Variants in CDH4 observed in about 807,000 individuals in gnomAD.
CDH4 encodes cadherin 4, also known as cadherin-4.
CDH4 carries 33 observed loss-of-function variants against 86.0 expected under a neutral mutation model. The observed-to-expected ratio is 0.38, with a 90% CI of 0.29 to 0.51. The LOEUF (loss-of-function observed/expected upper bound fraction) is 0.51, where lower values mean the gene tolerates loss of function less well. Ranked by LOEUF, CDH4 falls within the 20% of genes least tolerant of loss-of-function variation. CDH4 has a pLI of 0.86. For synonymous variants in CDH4, 555 were observed against 549.4 expected (o/e 1.01, Z -0.14); for missense variants, 1,114 against 1,307.4 (o/e 0.85, Z 2.28).
chr20:61,553,044 T>C (rs1273140975), intron 2 of CDH4, among the ~76,000 whole-genome samples: 1 of 152,188 alleles, frequency 6.6e-6, no homozygotes, highest in Non-Finnish European at 1.5e-5. Context: ...AACTCAAATG[T>C]CCATCACCTG....
At chr20:61,539,784 A>G (rs1843415160) in intron 2 of CDH4, among the ~76,000 whole-genome samples, 1 of 152,224 alleles carries the variant, frequency 6.6e-6, no homozygotes, top group Non-Finnish European at 1.5e-5. Flanking sequence ...GAGCAGGGAC[A>G]CGCCAGCTCT....
In CDH4 at chr20:61,556,729, C is replaced by T. The variant is rs965951864; in HGVS notation, c.170-186834C>T. On this transcript the variant is annotated intron_variant, in intron 2 of 15. Coordinates refer to ENST00000614565, the MANE Select transcript of CDH4 (RefSeq NM_001794.5). ...CTTCTCCAGTGCCCCCAGTGGAGGT[C>T]CCCCAGTCTTGGTGCCCCCCACCTT... is the stretch of plus-strand genomic sequence containing the variant. 3.6e-4 allele frequency among the ~76,000 whole-genome samples: 54 copies of T among 152,072 alleles called. 3 individuals are homozygous for T.
intron 4 of CDH4, among the ~76,000 whole-genome samples, chr20:61,796,607 CT>C (rs1365581417): frequency 6.6e-6 from 1 of 152,168 alleles, no homozygotes; most frequent in Non-Finnish European, 1.5e-5. Flanking sequence ...GATTATTTCT[CT>C]GCTTGGCCAC....
chr20:61,504,863 G>A (rs1047663871), intron 2 of CDH4, among the ~76,000 whole-genome samples: 24 of 152,268 alleles, frequency 1.6e-4, no homozygotes, highest in Admixed American at 1.2e-3. Context: ...CCGTACACGC[G>A]TCCTCATCAC....
At chr20:61,329,489 C>A (rs1243163932) in intron 2 of CDH4, among the ~76,000 whole-genome samples, 7 of 137,166 alleles carry the variant, frequency 5.1e-5, no homozygotes, top group African/African-American at 1.3e-4. Flanking sequence ...AGTGGCTCTT[C>A]TGCCCTTGGC....
chr20:61,415,464 T>C (rs1029171403), intron 2 of CDH4, among the ~76,000 whole-genome samples: 4 of 152,196 alleles, frequency 2.6e-5, no homozygotes, highest in Admixed American at 6.5e-5. Context: ...CCATGGCCAC[T>C]GTCCATCTCC....
intron 2 of CDH4, among the ~76,000 whole-genome samples, chr20:61,484,133 G>C (rs1204523607): frequency 6.6e-6 from 1 of 151,968 alleles, no homozygotes; most frequent in African/African-American, 2.4e-5. Context: ...ACTCACCCCT[G>C]GGAAGCAGCA....
At position 61,393,457 on chromosome 20, in the gene CDH4, C is replaced by T. The variant is rs576929325; in HGVS notation, c.169+138520C>T. 1.1e-3 allele frequency among the ~76,000 whole-genome samples: 172 copies of T among 152,284 alleles called. No homozygotes were observed. The highest frequency in any genetic ancestry group is 1.9e-3 in the Non-Finnish European group (127 of 68,016). On this transcript the variant is annotated intron_variant, in intron 2 of 15. Coordinates refer to ENST00000614565, the MANE Select transcript of CDH4 (RefSeq NM_001794.5). This position sits in a 1 kb window ranked among gnomAD's most constrained non-coding sequence, Gnocchi z 4.3. Reference sequence around the variant, plus strand: ...CAAAATTAAACCTGGATGCTTTGATCGCTGGCAGTAAGCGACACGCTGAAC... The same window carrying T: ...CAAAATTAAACCTGGATGCTTTGATTGCTGGCAGTAAGCGACACGCTGAAC...
intron 2 of CDH4, among the ~76,000 whole-genome samples, chr20:61,355,505 A>C (rs1287634772): frequency 6.6e-6 from 1 of 152,256 alleles, no homozygotes; most frequent in Non-Finnish European, 1.5e-5. Context: ...CACGTGCCTC[A>C]TAAATGAAAA....
chr20:61,682,348 A>G (rs1277974877), intron 2 of CDH4, among the ~76,000 whole-genome samples: 8 of 146,340 alleles, frequency 5.5e-5, no homozygotes, highest in African/African-American at 2.1e-4. Flanking sequence ...AGGGAGAGAT[A>G]GATGAATGGA....
rs6121656 is a variant in CDH4, at chr20:61,507,670, C to T, written c.170-235893C>T. Among the ~76,000 whole-genome samples the T allele has an allele frequency of 5.8e-3, 879 of 152,234 alleles. 7 individuals carry two copies. Among genetic ancestry groups the T allele is most frequent in the African/African-American group, 0.02 (842 of 41,528 alleles). On this transcript the variant is annotated intron_variant, in intron 2 of 15. Transcript: ENST00000614565. ...CAAAAATGAGGAAAATCTGAGCAAC[C>T]GTCACAGCCAAGAGGTGTTTAAGGA...
intron 2 of CDH4, chr20:61,599,647 C>A: frequency 5.2e-6 from 1 of 194,156 alleles, no homozygotes; most frequent in Non-Finnish European, 9.4e-6. Context: ...AGACAATAGC[C>A]CTGTCCCAGT....
chr20:61,583,168 T>A (rs1600780469), intron 2 of CDH4, among the ~76,000 whole-genome samples: 1 of 54,440 alleles, frequency 1.8e-5, no homozygotes, highest in Non-Finnish European at 3.7e-5. Flanking sequence ...CAGAGGGCTC[T>A]GCGGGGGGGA....
chr20:61,428,282 T>G lies in CDH4; in HGVS notation c.169+173345T>G, dbSNP rs557958879. 9.2e-5 allele frequency among the ~76,000 whole-genome samples: 14 copies of G among 152,340 alleles called. 1 individual carries two copies. In the East Asian group the frequency reaches 2.1e-3, roughly 23 times the overall value. On this transcript the variant is annotated intron_variant, in intron 2 of 15. Transcript: ENST00000614565. ...GGTGGTGTGGGAACTAGTCTGTCTT[T>G]TGGGAGAATCATTGCTTCTAAAGCT...
chr20:61,447,323 A>ATTTTTTTTTTTTTTTTT (rs71331923), intron 2 of CDH4, among the ~76,000 whole-genome samples: 3 of 110,858 alleles, frequency 2.7e-5, no homozygotes, highest in Non-Finnish European at 5.4e-5. Flanking sequence ...CGCCCAGCTG[A>ATTTTTTTTTTTTTTTTT]TTTTTTTTTT....
chr20:61,268,193 G>T, intron 2 of CDH4, among the ~76,000 whole-genome samples: 1 of 152,390 alleles, frequency 6.6e-6, no homozygotes, highest in Middle Eastern at 3.4e-3. Context: ...GGCCCAGGGG[G>T]TGGCATGTAG....
chr20:61,485,546 G>A (rs1030044316), intron 2 of CDH4, among the ~76,000 whole-genome samples: 6 of 152,232 alleles, frequency 3.9e-5, no homozygotes, highest in East Asian at 3.9e-4. Flanking sequence ...AGAGCTCCAC[G>A]GTGCTCTGCC....
chr20:61,728,093 C>T (rs993549726), intron 2 of CDH4, among the ~76,000 whole-genome samples: 3 of 152,188 alleles, frequency 2.0e-5, no homozygotes, highest in Non-Finnish European at 4.4e-5. Flanking sequence ...CTGAGCAGGC[C>T]ACCTACCCTA....
intron 2 of CDH4, among the ~76,000 whole-genome samples, chr20:61,702,417 A>G (rs2087786578): frequency 1.3e-5 from 2 of 152,208 alleles, no homozygotes; most frequent in Non-Finnish European, 2.9e-5. Context: ...CGCTCCACAC[A>G]AAACATTGCT....
Sources: allele counts gnomAD v4.1 joint callset (sites outside exome capture counted in the v4.1 genomes callset), GRCh38; gene constraint gnomAD v4.1.1; non-coding constraint Gnocchi (gnomAD v3.1); transcripts MANE v1.5; gene names NCBI Gene and HGNC (gene_info 2026-07-23, HGNC 2026-07-21).